Variants in BMP2K observed in about 807,000 individuals in gnomAD.
BMP2K encodes BMP-2-inducible protein kinase.
In BMP2K, 74 loss-of-function variants were observed where a neutral mutation model predicts 116.0. The observed-to-expected ratio is 0.64, with a 90% CI of 0.53 to 0.77. BMP2K has a LOEUF of 0.77. Ranked by LOEUF, BMP2K falls within the 30% of genes least tolerant of loss-of-function variation. The probability of loss-of-function intolerance (pLI) is 0.00; values close to 1 mark genes in which losing one functional copy is unlikely to be tolerated. For missense variants in BMP2K, 1,365 were observed against 1,403.6 expected (o/e 0.97, Z 0.44); for synonymous variants, 486 against 502.5 (o/e 0.97, Z 0.44).
intron 10 of BMP2K, among the ~76,000 whole-genome samples, chr4:78,869,394 G>A (rs1732221577): frequency 6.6e-6 from 1 of 152,120 alleles, no homozygotes; most frequent in South Asian, 2.1e-4. Context: ...GGGGTAGGGA[G>A]AGATTTACTG....
chr4:78,866,659 TA>T (rs1349388558), intron 10 of BMP2K, among the ~76,000 whole-genome samples: 1 of 152,178 alleles, frequency 6.6e-6, no homozygotes, highest in Non-Finnish European at 1.5e-5. Flanking sequence ...TTTATTTATT[TA>T]TTTTTTTGAG....
At chr4:78,856,559 T>C (rs745884240) in intron 7 of BMP2K, among the ~76,000 whole-genome samples, 4 of 152,100 alleles carry the variant, frequency 2.6e-5, no homozygotes, top group Non-Finnish European at 4.4e-5. Context: ...TTTAGAAATA[T>C]TCAGAGATAA....
At chr4:78,817,819 G>A (rs968951422) in intron 1 of BMP2K, among the ~76,000 whole-genome samples, 1 of 152,130 alleles carries the variant, frequency 6.6e-6, no homozygotes, top group Non-Finnish European at 1.5e-5. Context: ...CCATTCTGAA[G>A]CTATGTAGGG....
At chr4:78,798,019 G>A (rs1364538117) in intron 1 of BMP2K, among the ~76,000 whole-genome samples, 1 of 152,154 alleles carries the variant, frequency 6.6e-6, no homozygotes, top group East Asian at 1.9e-4. Context: ...GTCTCACTTC[G>A]TTGCCCAGAC....
At chr4:78,793,240 T>A (rs545012046) in intron 1 of BMP2K, among the ~76,000 whole-genome samples, 278 of 151,974 alleles carry the variant, frequency 1.8e-3, no homozygotes, top group African/African-American at 6.5e-3. Flanking sequence ...TGAAACCTTG[T>A]CTCTACTAAA....
chr4:78,889,613 GA>G (rs1733316923), intron 15 of BMP2K, among the ~76,000 whole-genome samples: 1 of 152,062 alleles, frequency 6.6e-6, no homozygotes, highest in South Asian at 2.1e-4. Flanking sequence ...TAAGCTTTAG[GA>G]AAAAGTTGGA....
chr4:78,840,256 G>A (rs1468497212), intron 3 of BMP2K, among the ~76,000 whole-genome samples: 9 of 152,054 alleles, frequency 5.9e-5, no homozygotes, highest in Non-Finnish European at 1.3e-4. Context: ...AGAGTTGAGA[G>A]TTGTAGGCAT....
intron 7 of BMP2K, among the ~76,000 whole-genome samples, chr4:78,854,474 A>G (rs966407423): frequency 4.6e-5 from 7 of 151,940 alleles, no homozygotes; most frequent in Non-Finnish European, 7.4e-5. Context: ...GGGTTTCACC[A>G]TGTTGGTCAG....
At chr4:78,843,756 C>T (rs1730870072) in intron 4 of BMP2K, among the ~76,000 whole-genome samples, 1 of 151,688 alleles carries the variant, frequency 6.6e-6, no homozygotes, top group African/African-American at 2.4e-5. Flanking sequence ...TTTCCATTTC[C>T]CCTAATAATT....
rs1254909813 is a variant in BMP2K at position 78,913,202 on chromosome 4, C to T, written c.*1169C>T. 6.6e-6 allele frequency: 1 copy of T among 152,070 alleles called. No individual in the cohort carries two copies. The highest frequency in any genetic ancestry group is 6.5e-5 in the Admixed American group (1 of 15,272). 9.4% of individuals were successfully genotyped at this position (152,070 alleles called of 1,614,324 possible). ...ACACCCACAAAGCCTTATATAAAGG[C>T]AGGATTCATGCATCCTGCTGCAAGT... On this transcript the variant is annotated 3_prime_UTR_variant, in exon 16 of 16. Transcript: ENST00000502613.
intron 2 of BMP2K, among the ~76,000 whole-genome samples, chr4:78,831,953 G>A (rs1188875118): frequency 6.6e-6 from 1 of 151,988 alleles, no homozygotes; most frequent in Non-Finnish European, 1.5e-5. Flanking sequence ...ACAGACACAG[G>A]TGCATATATA....
chr4:78,883,375 T>C (rs1732946529), intron 14 of BMP2K, among the ~76,000 whole-genome samples: 1 of 152,220 alleles, frequency 6.6e-6, no homozygotes, highest in Admixed American at 6.5e-5. Flanking sequence ...TTTTGTGTCC[T>C]GAGACTCACA....
chr4:78,912,020 C>T lies in BMP2K; in HGVS notation c.3473C>T (p.Pro1158Leu). Reference protein sequence around the residue: ...ELDPFGAAPFPSKQ With the variant: ...ELDPFGAAPFLSKQ The stretch of plus-strand genomic sequence containing the variant: ...GACCCATTTGGTGCTGCTCCATTTC[C>T]TTCTAAACAGTAGATACTTCTGATG... Residue 1158 changes from proline to leucine, a missense_variant, in exon 16 of 16, where the codon CCT becomes CTT. Pro to Leu is a moderately conservative substitution (Grantham distance 98, BLOSUM62 -3). This residue lies in a region of BMP2K where 596 missense variants were observed against 623.2 expected (regional missense o/e 0.96). Coordinates refer to ENST00000502613, the MANE Select transcript of BMP2K (RefSeq NM_198892.2). The T allele has an allele frequency of 6.2e-7, 1 of 1,607,916 alleles. No homozygotes were observed. Among genetic ancestry groups the T allele is most frequent in the Non-Finnish European group, 8.5e-7 (1 of 1,176,150 alleles).
intron 1 of BMP2K, among the ~76,000 whole-genome samples, chr4:78,821,017 A>G (rs1367614604): frequency 6.6e-6 from 1 of 152,072 alleles, no homozygotes; most frequent in African/African-American, 2.4e-5. Context: ...TCATTCTCCA[A>G]ATATCCCTTT....
chr4:78,861,091 TATA>T (rs1489718202), intron 8 of BMP2K, among the ~76,000 whole-genome samples: 1 of 151,892 alleles, frequency 6.6e-6, no homozygotes, highest in African/African-American at 2.4e-5. Context: ...ACGAGTGTAA[TATA>T]ATCTTTCTTT....
intron 1 of BMP2K, among the ~76,000 whole-genome samples, chr4:78,801,760 A>T (rs1728577994): frequency 6.6e-6 from 1 of 152,162 alleles, no homozygotes; most frequent in African/African-American, 2.4e-5. Context: ...CCTGTGTAAG[A>T]ACCTTAGAAT....
At chr4:78,806,305 A>G (rs1728817305) in intron 1 of BMP2K, among the ~76,000 whole-genome samples, 1 of 152,102 alleles carries the variant, frequency 6.6e-6, no homozygotes, top group Non-Finnish European at 1.5e-5. Flanking sequence ...CCTTCTAAAT[A>G]GCTGGGACTA....
At chr4:78,861,094 A>T (rs948633309) in intron 8 of BMP2K, among the ~76,000 whole-genome samples, 2 of 151,822 alleles carry the variant, frequency 1.3e-5, no homozygotes, top group African/African-American at 2.4e-5. Flanking sequence ...AGTGTAATAT[A>T]ATCTTTCTTT....
intron 1 of BMP2K, among the ~76,000 whole-genome samples, chr4:78,780,658 A>G (rs182321726): frequency 6.6e-6 from 1 of 152,330 alleles, no homozygotes; most frequent in Admixed American, 6.5e-5. Flanking sequence ...AAAAATATCA[A>G]CAACTGTTAC....
Sources: gnomAD v4.1 joint callset for allele counts (sites outside exome capture counted in the v4.1 genomes callset) on GRCh38, gnomAD v4.1.1 for gene constraint, gnomAD v4.1.1 regional missense constraint, MANE v1.5 for transcripts, NCBI Gene and HGNC (gene_info 2026-07-23, HGNC 2026-07-21) for gene names.